Variants in NTN1 observed in about 807,000 individuals in gnomAD.
NTN1 encodes netrin-1.
A neutral mutation model predicts 54.2 loss-of-function variants in NTN1; 11 were observed. The observed-to-expected ratio is 0.20, with a 90% CI of 0.13 to 0.34. NTN1 has a LOEUF of 0.34. Ranked by LOEUF, NTN1 falls within the 10% of genes least tolerant of loss-of-function variation. The pLI, the probability that NTN1 is intolerant of heterozygous loss-of-function variation, is 1.00. For synonymous variants in NTN1, 371 were observed against 382.0 expected, an observed-to-expected ratio of 0.97 and a Z score of 0.33; for missense variants, 740 against 893.1, an observed-to-expected ratio of 0.83 and a Z score of 2.18.
intron 5 of NTN1, among the ~76,000 whole-genome samples, chr17:9,190,585 C>T (rs1481542328): frequency 6.6e-6 from 1 of 152,206 alleles, no homozygotes; most frequent in Non-Finnish European, 1.5e-5. Context: ...GGTGCAGTGG[C>T]TCACGCCTAT....
At position 9,242,409 on chromosome 17, in the gene NTN1, T is replaced by TTTCTGTCTATG. The variant is rs1906248873; in HGVS notation, c.*2442_*2452dup. The stretch of plus-strand genomic sequence containing the variant: ...CTACGCTGCTGGGGCGGTTGTCCTA[T>TTTCTGTCTATG]TTCTGTCTATGCCAGTGTGGTTTCT... On this transcript the variant is annotated 3_prime_UTR_variant, in exon 7 of 7. Transcript: ENST00000173229. 6.6e-6 allele frequency: 1 copy of TTTCTGTCTATG among 152,286 alleles called. No individual in the cohort carries two copies. Among genetic ancestry groups the TTTCTGTCTATG allele is most frequent in the Non-Finnish European group, 1.5e-5 (1 of 68,094 alleles). The allele number at this position is 152,286 out of a possible 1,614,324, so 9.4% of individuals were successfully genotyped here.
At chr17:9,232,783 A>G (rs906964352) in intron 6 of NTN1, among the ~76,000 whole-genome samples, 1 of 152,060 alleles carries the variant, frequency 6.6e-6, no homozygotes, top group Non-Finnish European at 1.5e-5. Context: ...ACTCCCCGGC[A>G]AGGAGTCAGG....
chr17:9,098,871 A>G (rs976854230), intron 2 of NTN1, among the ~76,000 whole-genome samples: 5 of 152,226 alleles, frequency 3.3e-5, no homozygotes, highest in African/African-American at 1.2e-4. Flanking sequence ...TTAATTTTAG[A>G]AATTTAAGAA....
intron 2 of NTN1, among the ~76,000 whole-genome samples, chr17:9,158,831 G>C (rs4791807): frequency 0.33 from 49,927 of 152,030 alleles, 8,424 homozygotes; most frequent in East Asian, 0.47. Context: ...AACACTTGCC[G>C]GAGGACAGTT....
At chr17:9,210,444 CCACACACA>C (rs71135952) in intron 5 of NTN1, among the ~76,000 whole-genome samples, 42,684 of 100,808 alleles carry the variant, frequency 0.42, 6,032 homozygotes, top group Non-Finnish European at 0.45. Context: ...ACCCCCACAC[CCACACACA>C]CACACACACA....
At chr17:9,004,426 G>C in the NTN1 span, among the ~76,000 whole-genome samples, 1 of 152,258 alleles carries the variant, frequency 6.6e-6, no homozygotes, top group Non-Finnish European at 1.5e-5. Context: ...ACCCCTGTTG[G>C]GACCCTCGGG....
intron 2 of NTN1, among the ~76,000 whole-genome samples, chr17:9,089,896 T>G (rs1291450240): frequency 6.6e-6 from 1 of 152,140 alleles, no homozygotes; most frequent in Non-Finnish European, 1.5e-5. Flanking sequence ...ACTTTTTTTT[T>G]TAAACACCAA....
intron 2 of NTN1, among the ~76,000 whole-genome samples, chr17:9,145,108 T>A (rs2092309752): frequency 6.6e-6 from 1 of 152,134 alleles, no homozygotes; most frequent in Non-Finnish European, 1.5e-5. Context: ...GGAGGGAAAT[T>A]TACTGCACAA....
At chr17:9,053,481 C>A (rs1383821694) in intron 2 of NTN1, among the ~76,000 whole-genome samples, 1 of 152,260 alleles carries the variant, frequency 6.6e-6, no homozygotes, top group Non-Finnish European at 1.5e-5. Context: ...TTAAGTCCTG[C>A]AGCAGAAGTT....
intron 2 of NTN1, among the ~76,000 whole-genome samples, chr17:9,120,843 A>C (rs2092229816): frequency 6.6e-6 from 1 of 152,210 alleles, no homozygotes; most frequent in African/African-American, 2.4e-5. Context: ...ATTCGACTTC[A>C]TATTAAGGTC....
At chr17:9,119,587 C>T (rs1369866015) in intron 2 of NTN1, among the ~76,000 whole-genome samples, 1 of 134,068 alleles carries the variant, frequency 7.5e-6, no homozygotes, top group Non-Finnish European at 1.8e-5. Context: ...CAGCCTCAAA[C>T]TCCTGGGCGT....
upstream of NTN1, among the ~76,000 whole-genome samples, chr17:9,017,640 ACG>A (rs1237428319): frequency 6.6e-6 from 1 of 152,202 alleles, no homozygotes. Flanking sequence ...CCGCCTCTCA[ACG>A]CATTCCTTGC....
intron 3 of NTN1, among the ~76,000 whole-genome samples, chr17:9,163,788 G>GCC (rs142593160): frequency 2.7e-4 from 41 of 151,890 alleles, no homozygotes; most frequent in South Asian, 4.2e-4. Flanking sequence ...GAGAAGCGGG[G>GCC]CCCCCCCCAC....
At chr17:9,193,982 TC>T (rs1904553473) in intron 5 of NTN1, among the ~76,000 whole-genome samples, 1 of 139,832 alleles carries the variant, frequency 7.2e-6, no homozygotes, top group South Asian at 2.4e-4. Flanking sequence ...ACGCCTGTAA[TC>T]CCAGCACTTT....
chr17:9,130,526 G>A (rs2092261425), intron 2 of NTN1, among the ~76,000 whole-genome samples: 1 of 152,108 alleles, frequency 6.6e-6, no homozygotes, highest in South Asian at 2.1e-4. Flanking sequence ...GGGGTGGCCA[G>A]CTGCCTCCTG....
chr17:9,201,933 A>G (rs1567737049), intron 5 of NTN1, among the ~76,000 whole-genome samples: 2 of 150,828 alleles, frequency 1.3e-5, no homozygotes, highest in Non-Finnish European at 2.9e-5. Flanking sequence ...CACGCTTGTA[A>G]TCCTAGCACT....
At chr17:9,084,463 C>T (rs2142227135) in intron 2 of NTN1, among the ~76,000 whole-genome samples, 1 of 152,236 alleles carries the variant, frequency 6.6e-6, no homozygotes, top group South Asian at 2.1e-4. Flanking sequence ...TCACAGGACG[C>T]TGTCACCGGG....
intron 5 of NTN1, among the ~76,000 whole-genome samples, chr17:9,191,768 CTGTGAT>C (rs1300401790): frequency 2.0e-5 from 3 of 150,550 alleles, no homozygotes; most frequent in East Asian, 3.9e-4. Flanking sequence ...TGGCTCATGC[CTGTGAT>C]CCCAGCACTT....
At chr17:9,154,433 A>G (rs544228994) in intron 2 of NTN1, among the ~76,000 whole-genome samples, 1 of 152,356 alleles carries the variant, frequency 6.6e-6, no homozygotes, top group East Asian at 1.9e-4. Flanking sequence ...ATGTATGTAT[A>G]TGTATGATCG....
Sources: gnomAD v4.1 joint callset for allele counts (sites outside exome capture counted in the v4.1 genomes callset) on GRCh38, gnomAD v4.1.1 for gene constraint, MANE v1.5 for transcripts, NCBI Gene and HGNC (gene_info 2026-07-23, HGNC 2026-07-21) for gene names.